NCBP2L: variants seen among roughly 807,000 people sequenced by gnomAD.
The protein encoded by NCBP2L is nuclear cap binding protein subunit 2 like.
For missense variants in NCBP2L, 95 were observed against 53.1 expected (o/e 1.79, Z -2.45); for synonymous variants, 39 against 19.2 (o/e 2.04, Z -2.70).
rs1308892537 is a variant in NCBP2L at position 107,782,299 on chromosome X, A to T, written c.-73+4441A>T. On this transcript the variant is annotated intron_variant, in intron 1 of 1. Transcript: ENST00000509000. The stretch of plus-strand genomic sequence containing the variant: ...TAAATATATATAAATATATATATAT[A>T]AATATATATATAAATATATATATAT... 3.8e-4 allele frequency among the ~76,000 whole-genome samples: 13 copies of T among 34,261 alleles called. 2 individuals carry two copies. Among genetic ancestry groups the T allele is most frequent in the South Asian group, 1.6e-3 (1 of 626 alleles). 29.8% of individuals were successfully genotyped at this position (34,261 alleles called of 115,157 possible).
chrX:107,778,448 A>G (rs1210617156), intron 1 of NCBP2L, among the ~76,000 whole-genome samples: 1 of 112,592 alleles, frequency 8.9e-6, no homozygotes, highest in African/African-American at 3.2e-5. Context: ...AGTAAATATA[A>G]TTGAGATATA....
At chrX:107,782,252 T>TATATATAAATATATATATATAA (rs1930316723) in intron 1 of NCBP2L, among the ~76,000 whole-genome samples, 1 of 20,088 alleles carries the variant, frequency 5.0e-5, no homozygotes, top group Non-Finnish European at 7.1e-5. Flanking sequence ...TATATATAAA[T>TATATATAAATATATATATATAA]ATATATATAA....
At chrX:107,782,300 AATATATATATAAAT>A (rs1367512255) in intron 1 of NCBP2L, among the ~76,000 whole-genome samples, 2 of 20,566 alleles carry the variant, frequency 9.7e-5, no homozygotes, top group East Asian at 2.2e-3. Flanking sequence ...TATATATATA[AATATATATATAAAT>A]ATATATATAT....
chrX:107,781,702 A>ATATATATATC (rs1569457120), intron 1 of NCBP2L, among the ~76,000 whole-genome samples: 9 of 68,196 alleles, frequency 1.3e-4, no homozygotes, highest in African/African-American at 7.5e-4. Flanking sequence ...CTATATATAT[A>ATATATATATC]TATATATAGA....
Position 107,783,358 on chromosome X carries a change from C to CTTTTT in NCBP2L, c.-73+5517_-73+5521dup, listed in dbSNP as rs769083822. On this transcript the variant is annotated intron_variant, in intron 1 of 1. Coordinates refer to ENST00000509000, the MANE Select transcript of NCBP2L (RefSeq NM_001348372.2). ...ATTAGCCTGGCATGGTGGCACTTGC[C>CTTTTT]TTTTTTTTTTTTTTTTTTTTTATTT... Among the ~76,000 whole-genome samples, 66 of 61,870 alleles carry CTTTTT rather than the reference C, an allele frequency of 1.1e-3. 1 individual carries two copies. The highest frequency in any genetic ancestry group is 5.1e-3 in the African/African-American group (60 of 11,855). The allele number at this position is 61,870 out of a possible 115,157, so 53.7% of individuals were successfully genotyped here.
At chrX:107,785,637 C>T (rs770798105) in intron 1 of NCBP2L, among the ~76,000 whole-genome samples, 1 of 111,663 alleles carries the variant, frequency 9.0e-6, no homozygotes, top group Non-Finnish European at 1.9e-5. Context: ...CCTGGGGGCC[C>T]TGTTTTCACC....
intron 1 of NCBP2L, among the ~76,000 whole-genome samples, chrX:107,781,782 CTATAGATATCTATATTTATA>C (rs1171734918): frequency 6.8e-5 from 2 of 29,385 alleles, no homozygotes; most frequent in Non-Finnish European, 1.4e-4. Flanking sequence ...ATATATAGAT[CTATAGATATCTATATTTATA>C]TATAGATATC....
chrX:107,781,702 A>ATATATATC (rs1556345198), intron 1 of NCBP2L, among the ~76,000 whole-genome samples: 36 of 68,179 alleles, frequency 5.3e-4, no homozygotes, highest in African/African-American at 2.9e-3. Context: ...CTATATATAT[A>ATATATATC]TATATATAGA....
intron 1 of NCBP2L, among the ~76,000 whole-genome samples, chrX:107,779,806 G>A (rs1208595758): frequency 1.1e-5 from 1 of 91,933 alleles, no homozygotes; most frequent in Non-Finnish European, 2.1e-5. Flanking sequence ...GTGCAGTGGT[G>A]CGATCTTGGC....
At chrX:107,783,935 TATG>T (rs1391794055) in intron 1 of NCBP2L, among the ~76,000 whole-genome samples, 1 of 108,781 alleles carries the variant, frequency 9.2e-6, no homozygotes, top group African/African-American at 3.4e-5. Context: ...TCACAGTATA[TATG>T]ATAAGGATTG....
intron 1 of NCBP2L, among the ~76,000 whole-genome samples, chrX:107,783,855 C>CGTGTGTGTGT (rs1331533982): frequency 2.5e-5 from 2 of 79,862 alleles, no homozygotes; most frequent in Non-Finnish European, 4.5e-5. Flanking sequence ...GTCTGGTGTG[C>CGTGTGTGTGT]GTATGTGTGT....
rs1930493043 is a variant in NCBP2L, at chrX:107,794,549, G to A, written c.329G>A (p.Cys110Tyr). 2 of 568,145 alleles carry A rather than the reference G, an allele frequency of 3.5e-6. No homozygotes were observed. The highest frequency in any genetic ancestry group is 6.5e-6 in the Non-Finnish European group (2 of 309,204). 46.8% of individuals were successfully genotyped at this position (568,145 alleles called of 1,213,427 possible). The stretch of plus-strand genomic sequence containing the variant: ...ACCTGCCTAGATGAATGGATTATCT[G>A]CACTGATTGGGATGTCGGTTTTAGA... ...TGTCLDEWII[C>Y]TDWDVGFREG... The change falls in exon 2 of 2, where the codon TGC becomes TAC. Residue 110 changes from cysteine to tyrosine, a missense_variant. Coordinates refer to ENST00000509000, the MANE Select transcript of NCBP2L (RefSeq NM_001348372.2).
intron 1 of NCBP2L, among the ~76,000 whole-genome samples, chrX:107,787,193 G>A (rs1930400252): frequency 9.0e-6 from 1 of 111,522 alleles, no homozygotes; most frequent in African/African-American, 3.3e-5. Flanking sequence ...GCTGGCCCAC[G>A]GACAACACTT....
chrX:107,783,358 C>CTTTTTTTTTT (rs769083822), intron 1 of NCBP2L, among the ~76,000 whole-genome samples: 7 of 61,941 alleles, frequency 1.1e-4, no homozygotes, highest in African/African-American at 3.4e-4. Context: ...TGGCACTTGC[C>CTTTTTTTTTT]TTTTTTTTTT....
intron 1 of NCBP2L, among the ~76,000 whole-genome samples, chrX:107,784,917 T>C (rs1350479066): frequency 2.8e-5 from 3 of 107,639 alleles, no homozygotes; most frequent in Non-Finnish European, 5.7e-5. Flanking sequence ...AGGTTGAGGC[T>C]GTAGTGAGCT....
Position 107,788,648 on chromosome X carries a change from C to T in NCBP2L, c.-72-5501C>T, listed in dbSNP as rs191226262. 8.9e-3 allele frequency among the ~76,000 whole-genome samples: 999 copies of T among 112,460 alleles called. 11 individuals carry two copies. Among genetic ancestry groups the T allele is most frequent in the African/African-American group, 0.03 (938 of 30,971 alleles). On this transcript the variant is annotated intron_variant, in intron 1 of 1. Coordinates refer to ENST00000509000, the MANE Select transcript of NCBP2L (RefSeq NM_001348372.2). ...ACCAGCATGGAGCACATTGGGACTG[C>T]CACTCCTTGTGATGGTCTGATGCAA...
intron 1 of NCBP2L, among the ~76,000 whole-genome samples, chrX:107,782,272 TATAAATATATATAA>T (rs1930319388): frequency 3.9e-5 from 1 of 25,607 alleles, no homozygotes; most frequent in African/African-American, 5.1e-4. Context: ...AATATATATA[TATAAATATATATAA>T]ATATATATAT....
intron 1 of NCBP2L, among the ~76,000 whole-genome samples, chrX:107,782,894 TAC>T (rs761659089): frequency 9.2e-6 from 1 of 108,351 alleles, no homozygotes; most frequent in Admixed American, 1.0e-4. Flanking sequence ...CACATATATA[TAC>T]ACTCATATAC....
At chrX:107,788,975 A>G (rs1930417796) in intron 1 of NCBP2L, among the ~76,000 whole-genome samples, 1 of 110,928 alleles carries the variant, frequency 9.0e-6, no homozygotes, top group Non-Finnish European at 1.9e-5. Flanking sequence ...CTCATAGATG[A>G]CCCATTTATA....
Sources: allele counts gnomAD v4.1 joint callset (sites outside exome capture counted in the v4.1 genomes callset), GRCh38; gene constraint gnomAD v4.1.1; transcripts MANE v1.5; gene names NCBI Gene and HGNC (gene_info 2026-07-23, HGNC 2026-07-21).